Variants in NEDD4L observed in about 807,000 individuals in gnomAD.
NEDD4L encodes the protein NEDD4 like E3 ubiquitin protein ligase, also known as E3 ubiquitin-protein ligase NEDD4-like.
In NEDD4L, 54 loss-of-function variants were observed where a neutral mutation model predicts 148.9. The ratio of observed to expected loss-of-function variants is 0.36; its 90% confidence interval spans 0.29 to 0.45. The LOEUF is 0.45. NEDD4L is among the 20% of genes least tolerant of loss of function. The probability of loss-of-function intolerance (pLI) is 1.00; values close to 1 mark genes in which losing one functional copy is unlikely to be tolerated. For synonymous variants in NEDD4L, 433 were observed against 440.7 expected, an observed-to-expected ratio of 0.98 and a Z score of 0.22; for missense variants, 856 against 1,233.8, an observed-to-expected ratio of 0.69 and a Z score of 4.59.
intron 5 of NEDD4L, among the ~76,000 whole-genome samples, chr18:58,278,447 G>A (rs1397302654): frequency 6.6e-6 from 1 of 152,156 alleles, no homozygotes; most frequent in Admixed American, 6.5e-5. Context: ...ACCTCCAGAC[G>A]GACCCCTTCT....
At chr18:58,360,772 G>GTA (rs1027515336) in intron 19 of NEDD4L, among the ~76,000 whole-genome samples, 8 of 151,516 alleles carry the variant, frequency 5.3e-5, no homozygotes, top group Non-Finnish European at 1.0e-4. Flanking sequence ...GTGTGTGTGT[G>GTA]TACATGCATG....
intron 2 of NEDD4L, among the ~76,000 whole-genome samples, chr18:58,234,218 T>TCCC (rs375603205): frequency 2.2e-5 from 3 of 134,412 alleles, no homozygotes; most frequent in Non-Finnish European, 1.6e-5. Context: ...CCTCCCTCCC[T>TCCC]TCCTTCCTTC....
intron 1 of NEDD4L, among the ~76,000 whole-genome samples, chr18:58,108,488 T>C (rs1285471066): frequency 3.3e-5 from 5 of 152,230 alleles, no homozygotes; most frequent in Non-Finnish European, 5.9e-5. Context: ...TGGTGCGATC[T>C]CAGCTCACTG....
intron 1 of NEDD4L, among the ~76,000 whole-genome samples, chr18:58,057,900 C>T (rs184174134): frequency 6.6e-6 from 1 of 152,356 alleles, no homozygotes; most frequent in African/African-American, 2.4e-5. Context: ...ACCCACTCTG[C>T]TTTTGCTCTC....
chr18:58,081,201 G>T (rs2083410853), intron 1 of NEDD4L, among the ~76,000 whole-genome samples: 1 of 149,760 alleles, frequency 6.7e-6, no homozygotes, highest in Non-Finnish European at 1.5e-5. Flanking sequence ...ATGAAATTTT[G>T]GAACACCACC....
In NEDD4L at chr18:58,253,694, A is replaced by G. The variant is rs1056317631; in HGVS notation, c.297+1640A>G. On this transcript the variant is annotated intron_variant, in intron 5 of 30. Coordinates refer to ENST00000400345, the MANE Select transcript of NEDD4L (RefSeq NM_001144967.3). Reference sequence around the variant, plus strand: ...CATGAGGAAAGGGTCAAATTTGAGGAAAAATGGCCTCTTGTTTGATGTGTT... The same window carrying G: ...CATGAGGAAAGGGTCAAATTTGAGGGAAAATGGCCTCTTGTTTGATGTGTT... Among the ~76,000 whole-genome samples, 48 of 152,030 alleles carry G rather than the reference A, an allele frequency of 3.2e-4. 1 individual carries two copies. The highest frequency in any genetic ancestry group is 2.6e-3 in the Admixed American group (40 of 15,282).
intron 5 of NEDD4L, among the ~76,000 whole-genome samples, chr18:58,258,356 A>G (rs943097960): frequency 3.3e-5 from 5 of 152,238 alleles, no homozygotes; most frequent in Admixed American, 2.6e-4. Context: ...ATGAAGATTG[A>G]CAAAAATATA....
At chr18:58,395,249 C>G (rs1291323921) in intron 30 of NEDD4L, among the ~76,000 whole-genome samples, 5 of 152,208 alleles carry the variant, frequency 3.3e-5, no homozygotes, top group African/African-American at 4.8e-5. Flanking sequence ...TACACACACA[C>G]ACAGAGGTGC....
intron 1 of NEDD4L, among the ~76,000 whole-genome samples, chr18:58,163,122 A>G (rs1415427521): frequency 1.3e-5 from 2 of 152,048 alleles, no homozygotes; most frequent in African/African-American, 4.8e-5. Flanking sequence ...GCTAGAGTGC[A>G]GTAGCTTTCC....
At chr18:58,303,874 A>C (rs1299168825) in intron 5 of NEDD4L, among the ~76,000 whole-genome samples, 4 of 152,170 alleles carry the variant, frequency 2.6e-5, no homozygotes, top group African/African-American at 9.7e-5. Context: ...TTTTCTTTTG[A>C]TGTTTCAAGG....
At chr18:58,118,003 C>A (rs1362381200) in intron 1 of NEDD4L, among the ~76,000 whole-genome samples, 2 of 152,224 alleles carry the variant, frequency 1.3e-5, no homozygotes, top group African/African-American at 4.8e-5. Context: ...GACAGCCCAG[C>A]AGAAAGAATG....
At chr18:58,204,188 C>T (rs909212147) in intron 2 of NEDD4L, among the ~76,000 whole-genome samples, 1 of 152,226 alleles carries the variant, frequency 6.6e-6, no homozygotes, top group African/African-American at 2.4e-5. Flanking sequence ...ATTACCCAGA[C>T]GTGGTGGTGT....
At chr18:58,279,174 G>A (rs1284270034) in intron 5 of NEDD4L, among the ~76,000 whole-genome samples, 2 of 152,114 alleles carry the variant, frequency 1.3e-5, no homozygotes, top group African/African-American at 4.8e-5. Flanking sequence ...ACCATGCCTG[G>A]CCGATTATAC....
Position 58,390,647 on chromosome 18 carries a change from C to T in NEDD4L, c.2657C>T (p.Ala886Val). 6.3e-7 allele frequency: 1 copy of T among 1,578,294 alleles called. No homozygotes were observed. Among genetic ancestry groups the T allele is most frequent in the Non-Finnish European group, 8.6e-7 (1 of 1,159,604 alleles). The change falls in exon 29 of 31, where the codon GCT (alanine) becomes GTT (valine). Residue 886 changes from alanine to valine, a missense_variant and splice_region_variant. Ala to Val is a moderately conservative substitution (Grantham distance 64). Around this residue, in one of 4 missense-constraint regions of NEDD4L, gnomAD observed 286 missense variants for 531.8 expected, o/e 0.54. Coordinates refer to ENST00000400345, the MANE Select transcript of NEDD4L (RefSeq NM_001144967.3). ...NHPVIQWFWK[A>V]VLLMDAEKRI... ...ATGACCTTCTGCCTCTGTTCATAGGCTGTGCTACTCATGGACGCCGAAAAG... is the reference window on the plus strand; with the variant it reads ...ATGACCTTCTGCCTCTGTTCATAGGTTGTGCTACTCATGGACGCCGAAAAG...
intron 5 of NEDD4L, among the ~76,000 whole-genome samples, chr18:58,291,150 C>G (rs1381980228): frequency 6.7e-5 from 10 of 148,824 alleles, no homozygotes; most frequent in African/African-American, 2.5e-4. Flanking sequence ...CCAGGCCGAC[C>G]AGCCCACATG....
At chr18:58,348,332 T>C (rs987836164) in intron 16 of NEDD4L, among the ~76,000 whole-genome samples, 6 of 67,902 alleles carry the variant, frequency 8.8e-5, no homozygotes, top group Admixed American at 4.4e-4. Flanking sequence ...TTTTCTTTTT[T>C]TTTTTTTTTT....
At chr18:58,097,184 A>T (rs1375669964) in intron 1 of NEDD4L, among the ~76,000 whole-genome samples, 1 of 152,186 alleles carries the variant, frequency 6.6e-6, no homozygotes, top group Admixed American at 6.5e-5. Flanking sequence ...GTGGCTTTTC[A>T]TTCTGATGGG....
intron 2 of NEDD4L, among the ~76,000 whole-genome samples, chr18:58,177,601 G>A (rs1045595714): frequency 6.6e-6 from 1 of 152,166 alleles, no homozygotes; most frequent in African/African-American, 2.4e-5. Context: ...TGGGGAGGCC[G>A]TGAGGCTGGT....
At chr18:58,336,174 G>T (rs1231910455) in intron 13 of NEDD4L, 1 of 152,168 alleles carries the variant, frequency 6.6e-6, no homozygotes, top group African/African-American at 2.4e-5. Context: ...AGAATGTATG[G>T]TATTCCTGTC....
Sources: allele counts gnomAD v4.1 joint callset (sites outside exome capture counted in the v4.1 genomes callset), GRCh38; gene constraint gnomAD v4.1.1; regional missense constraint gnomAD v4.1.1; transcripts MANE v1.5; gene names NCBI Gene and HGNC (gene_info 2026-07-23, HGNC 2026-07-21).